Variants in TET3 observed in about 807,000 individuals in gnomAD.
TET3 encodes the protein methylcytosine dioxygenase TET3.
A neutral mutation model predicts 141.4 loss-of-function variants in TET3; 19 were observed. The ratio of observed to expected loss-of-function variants is 0.13; its 90% CI spans 0.09 to 0.20. TET3 has a LOEUF of 0.20. Ranked by LOEUF, TET3 falls within the 10% of genes least tolerant of loss-of-function variation. The probability of loss-of-function intolerance (pLI) is 1.00; values close to 1 mark genes in which losing one functional copy is unlikely to be tolerated. For missense variants in TET3, 1,874 were observed against 2,356.9 expected, an observed-to-expected ratio of 0.80 and a Z score of 4.24; for synonymous variants, 1,043 against 980.9, an observed-to-expected ratio of 1.06 and a Z score of -1.18.
At position 74,046,180 on chromosome 2, in the gene TET3, T is replaced by TG. The variant is rs1687606645; in HGVS notation, c.361-94dup. The TG allele has an allele frequency of 5.5e-6, 6 of 1,096,630 alleles. No homozygotes were observed. The South Asian group carries it at 1.5e-4, about 28-fold the overall frequency. 67.9% of individuals were successfully genotyped at this position (1,096,630 alleles called of 1,614,324 possible). A position where few individuals can be genotyped will look rare whatever the true frequency, so the allele number is the denominator to read the frequency against. On this transcript the variant is annotated intron_variant, in intron 3 of 11. Coordinates refer to ENST00000409262, the MANE Select transcript of TET3 (RefSeq NM_001287491.2). This position sits in a 1 kb window ranked among gnomAD's most constrained non-coding sequence, Gnocchi z 4.3. The stretch of plus-strand genomic sequence containing the variant: ...CAGAGAGAGGATTTGCAAGAAAAGT[T>TG]GGGGTCAGATGTGCACCTGAGTGGT...
chr2:74,000,137 A>G (rs180745043), intron 2 of TET3, among the ~76,000 whole-genome samples: 1 of 152,228 alleles, frequency 6.6e-6, no homozygotes, highest in Non-Finnish European at 1.5e-5. Flanking sequence ...AGTAGATCAC[A>G]GTTCAGTTCT....
intron 2 of TET3, among the ~76,000 whole-genome samples, chr2:74,000,006 GT>G (rs1355056666): frequency 6.6e-6 from 1 of 152,166 alleles, no homozygotes; most frequent in Non-Finnish European, 1.5e-5. Flanking sequence ...GGGGACCTGT[GT>G]TTGGGGTAGG....
At chr2:74,060,550 C>G (rs1328997930) in intron 4 of TET3, among the ~76,000 whole-genome samples, 1 of 150,928 alleles carries the variant, frequency 6.6e-6, no homozygotes, top group Non-Finnish European at 1.5e-5. Context: ...TTTTATTGAT[C>G]ATTCTTGGGT....
intron 3 of TET3, among the ~76,000 whole-genome samples, chr2:74,017,591 G>A (rs1685798662): frequency 6.6e-6 from 1 of 151,946 alleles, no homozygotes; most frequent in East Asian, 1.9e-4. Context: ...TTTTTTAATT[G>A]CTAACTAGTA....
Position 74,104,784 on chromosome 2 carries a change from C to T in TET3, c.*2608C>T, listed in dbSNP as rs1315901094. Reference sequence around the variant, plus strand: ...AATACAAGCTAAAAGCATGCGACGTCTGTCCCCCAGCCCAAACAGCCTTGG... The same window carrying T: ...AATACAAGCTAAAAGCATGCGACGTTTGTCCCCCAGCCCAAACAGCCTTGG... On this transcript the variant is annotated 3_prime_UTR_variant, in exon 12 of 12. Transcript: ENST00000409262. 5.5e-6 allele frequency: 1 copy of T among 180,534 alleles called. No individual in the cohort carries two copies. The highest frequency in any genetic ancestry group is 6.2e-5 in the Admixed American group (1 of 16,050). 11.2% of individuals were successfully genotyped at this position (180,534 alleles called of 1,614,324 possible).
chr2:74,069,721 G>A (rs1156458086), intron 4 of TET3, among the ~76,000 whole-genome samples: 13 of 151,742 alleles, frequency 8.6e-5, no homozygotes, highest in Admixed American at 8.5e-4. Context: ...CAAGTAGCTG[G>A]GACTATAGGC....
intron 3 of TET3, among the ~76,000 whole-genome samples, chr2:74,044,191 G>C (rs1185799478): frequency 6.6e-6 from 1 of 152,086 alleles, no homozygotes; most frequent in Non-Finnish European, 1.5e-5. Flanking sequence ...GCCTGGGTGA[G>C]AGTGTGTCTG....
intron 6 of TET3, among the ~76,000 whole-genome samples, chr2:74,082,869 G>A (rs1458560130): frequency 1.3e-5 from 2 of 152,124 alleles, no homozygotes; most frequent in East Asian, 3.9e-4. Flanking sequence ...GCAGTGTAGC[G>A]TCAGGAGCCC....
At chr2:74,012,282 T>C (rs1400177245) in intron 3 of TET3, among the ~76,000 whole-genome samples, 1 of 152,210 alleles carries the variant, frequency 6.6e-6, no homozygotes, top group African/African-American at 2.4e-5. Flanking sequence ...CCATTAGTCA[T>C]TGTTAACCGG....
the TET3 span, chr2:74,120,687 G>T: frequency 6.6e-6 from 1 of 152,252 alleles, no homozygotes; most frequent in Non-Finnish European, 1.5e-5. Flanking sequence ...CCAGAACTCT[G>T]GGATCAGTTT....
At chr2:74,065,901 G>A (rs1653802835) in intron 4 of TET3, among the ~76,000 whole-genome samples, 1 of 152,016 alleles carries the variant, frequency 6.6e-6, no homozygotes, top group African/African-American at 2.4e-5. Context: ...TGGGACTACA[G>A]GCACCCGCCA....
intron 2 of TET3, among the ~76,000 whole-genome samples, chr2:73,999,825 C>T (rs1558698055): frequency 6.6e-6 from 1 of 152,050 alleles, no homozygotes; most frequent in Non-Finnish European, 1.5e-5. Flanking sequence ...GCAGAGTGGC[C>T]CTGGCATGCA....
chr2:74,061,056 G>A (rs998703150), intron 4 of TET3, among the ~76,000 whole-genome samples: 2 of 151,288 alleles, frequency 1.3e-5, no homozygotes, highest in Non-Finnish European at 3.0e-5. Flanking sequence ...GGTGGTGGCC[G>A]GGCAGAGGGG....
At chr2:73,984,092 G>A (rs183955982), upstream of TET3, among the ~76,000 whole-genome samples, 195 of 152,376 alleles carry the variant, frequency 1.3e-3, 3 homozygotes, top group African/African-American at 4.4e-3. The surrounding 1 kb of genome is among the most constrained non-coding windows in gnomAD (Gnocchi z 5.6). Context: ...TGTCTGCGCC[G>A]GGTTTTAGGG....
At chr2:74,013,728 T>C (rs923415841) in intron 3 of TET3, among the ~76,000 whole-genome samples, 1 of 152,044 alleles carries the variant, frequency 6.6e-6, no homozygotes, top group Middle Eastern at 3.4e-3. Context: ...AGGAGAATGG[T>C]GTGAACTGAG....
chr2:74,085,249 G>A (rs999992822), intron 6 of TET3, among the ~76,000 whole-genome samples: 1 of 151,980 alleles, frequency 6.6e-6, no homozygotes, highest in Admixed American at 6.6e-5. Context: ...GGAAGAATTA[G>A]CCTCACTGGG....
At chr2:74,070,277 A>G (rs969773542) in intron 4 of TET3, among the ~76,000 whole-genome samples, 5 of 152,208 alleles carry the variant, frequency 3.3e-5, no homozygotes, top group African/African-American at 4.8e-5. Context: ...CCTCACAATC[A>G]TGGTGAGAGG....
At chr2:74,002,490 G>A (rs967938869) in intron 2 of TET3, among the ~76,000 whole-genome samples, 1 of 152,130 alleles carries the variant, frequency 6.6e-6, no homozygotes, top group Non-Finnish European at 1.5e-5. Context: ...GGAGGAGGCC[G>A]GGGGTGCCCT....
the TET3 span, among the ~76,000 whole-genome samples, chr2:74,118,847 T>G: frequency 2.0e-5 from 3 of 152,174 alleles, no homozygotes; most frequent in Non-Finnish European, 4.4e-5. Context: ...TACATAAAAT[T>G]ATTGCACCCA....
Sources: allele counts gnomAD v4.1 joint callset (sites outside exome capture counted in the v4.1 genomes callset), GRCh38; gene constraint gnomAD v4.1.1; non-coding constraint Gnocchi (gnomAD v3.1); transcripts MANE v1.5; gene names NCBI Gene and HGNC (gene_info 2026-07-23, HGNC 2026-07-21).